The following CAMK2G variants were observed in gnomAD, a reference collection of about 807,000 sequenced individuals.
CAMK2G encodes the protein calcium/calmodulin dependent protein kinase II gamma.
In CAMK2G, 23 loss-of-function variants were observed where a neutral mutation model predicts 88.7. The observed-to-expected ratio is 0.26, with a 90% CI of 0.19 to 0.37. CAMK2G has a LOEUF of 0.37. Ranked by LOEUF, CAMK2G falls within the 10% of genes least tolerant of loss-of-function variation. The pLI is 1.00. For missense variants in CAMK2G, 476 were observed against 780.8 expected (o/e 0.61, Z 4.65); for synonymous variants, 263 against 294.8 (o/e 0.89, Z 1.11).
At position 73,853,366 on chromosome 10, in the gene CAMK2G, G is replaced by A. The variant is rs1055752005; in HGVS notation, c.221-120C>T. 1.2e-5 allele frequency: 10 copies of A among 854,062 alleles called. No homozygotes were observed. In the East Asian group the frequency reaches 1.6e-4, roughly 13 times the overall value. 52.9% of individuals were successfully genotyped at this position (854,062 alleles called of 1,614,324 possible). Reference sequence around the variant, plus strand: ...GGGCTCACAGGGCTCTCCAGAAGGAGCAGTGGGGGGAAGTGGCGACGTGCC... The same window carrying A: ...GGGCTCACAGGGCTCTCCAGAAGGAACAGTGGGGGGAAGTGGCGACGTGCC... On this transcript the variant is annotated intron_variant, in intron 3 of 22. Coordinates refer to ENST00000423381, the MANE Select transcript of CAMK2G (RefSeq NM_001367534.1).
chr10:73,829,164 T>C (rs72814361), intron 14 of CAMK2G, among the ~76,000 whole-genome samples: 17 of 152,162 alleles, frequency 1.1e-4, no homozygotes, highest in Non-Finnish European at 1.5e-4. Flanking sequence ...ATTATTATAA[T>C]CAACGAAAGA....
In CAMK2G at chr10:73,842,299, C is replaced by G. The variant is rs1484455190; in HGVS notation, c.904-88G>C. On this transcript the variant is annotated intron_variant, in intron 11 of 22. Transcript: ENST00000423381. The surrounding 1 kb of genome is among the most constrained non-coding windows in gnomAD (Gnocchi z 4.6). ...GGCAAAGGCAGGTCCTGGCTAGAGC[C>G]TGAAGACATCAGGCCTCTGGGCCCC... The G allele has an allele frequency of 2.4e-6, 3 of 1,250,694 alleles. No homozygotes were observed. The highest frequency in any genetic ancestry group is 3.5e-6 in the Non-Finnish European group (3 of 848,946). 77.5% of individuals were successfully genotyped at this position (1,250,694 alleles called of 1,614,324 possible). A position where few individuals can be genotyped will look rare whatever the true frequency, so the allele number is the denominator to read the frequency against.
At chr10:73,851,490 C>T (rs981283422) in intron 5 of CAMK2G, among the ~76,000 whole-genome samples, 1 of 152,028 alleles carries the variant, frequency 6.6e-6, no homozygotes, top group Non-Finnish European at 1.5e-5. Flanking sequence ...TCCCGGGGCT[C>T]TATGGTTGGA....
intron 2 of CAMK2G, among the ~76,000 whole-genome samples, chr10:73,869,448 G>GT (rs1157984501): frequency 2.0e-5 from 3 of 152,166 alleles, no homozygotes; most frequent in African/African-American, 7.2e-5. Flanking sequence ...TCCAGCAGCC[G>GT]TATCAGGTCT....
chr10:73,863,142 G>A (rs956770244), intron 2 of CAMK2G, among the ~76,000 whole-genome samples: 1 of 152,204 alleles, frequency 6.6e-6, no homozygotes. Context: ...GCTCTACTTT[G>A]TGGAAGGAGG....
At chr10:73,844,617 C>T (rs1299473602) in intron 10 of CAMK2G, among the ~76,000 whole-genome samples, 1 of 151,722 alleles carries the variant, frequency 6.6e-6, no homozygotes, top group Non-Finnish European at 1.5e-5. Context: ...CTATGTTGGC[C>T]AGGCTGGTCT....
chr10:73,862,634 C>T (rs756106170), intron 2 of CAMK2G, among the ~76,000 whole-genome samples: 12 of 152,142 alleles, frequency 7.9e-5, no homozygotes, highest in African/African-American at 1.9e-4. Context: ...TAAGGTAACA[C>T]GAACAGGCAG....
intron 15 of CAMK2G, among the ~76,000 whole-genome samples, chr10:73,827,573 C>G (rs922704597): frequency 1.1e-4 from 16 of 152,162 alleles, no homozygotes; most frequent in African/African-American, 3.9e-4. Flanking sequence ...AGTTAGCTGT[C>G]CCCCGAGGGC....
intron 20 of CAMK2G, 124 bp downstream of exon 20, chr10:73,817,355 G>A: frequency 3.6e-6 from 3 of 830,968 alleles, no homozygotes; most frequent in Non-Finnish European, 5.9e-6. Flanking sequence ...TTAGGAGAGG[G>A]CTTAACTCAG....
chr10:73,816,808 G>A (rs759642345), intron 21 of CAMK2G: 9 of 1,523,990 alleles, frequency 5.9e-6, no homozygotes, highest in Non-Finnish European at 7.0e-6. Context: ...CAAAGCAGCT[G>A]CAGAATGAAT....
chr10:73,816,918 C>G (rs769643254), intron 21 of CAMK2G, 105 bp downstream of exon 21: 7 of 1,611,236 alleles, frequency 4.3e-6, no homozygotes, highest in Non-Finnish European at 5.1e-6. Context: ...GCACGAAGGT[C>G]AAATAAGGGA....
intron 14 of CAMK2G, chr10:73,836,943 T>C (rs2093306165): frequency 6.2e-6 from 1 of 160,242 alleles, no homozygotes; most frequent in South Asian, 1.7e-4. Context: ...CTTTGCCTTT[T>C]TCTGAGGAGC....
chr10:73,835,873 C>T (rs1293278760), intron 14 of CAMK2G, among the ~76,000 whole-genome samples: 1 of 152,034 alleles, frequency 6.6e-6, no homozygotes, highest in Admixed American at 6.6e-5. Flanking sequence ...CTTGCTCTGT[C>T]GCCCAGGCTG....
At chr10:73,823,301 C>T (rs1233275771) in intron 17 of CAMK2G, among the ~76,000 whole-genome samples, 1 of 152,250 alleles carries the variant, frequency 6.6e-6, no homozygotes, top group East Asian at 1.9e-4. Context: ...CTGCAACCTC[C>T]ACCTCCCAGG....
chr10:73,856,247 C>T (rs1435160125), intron 3 of CAMK2G, among the ~76,000 whole-genome samples: 1 of 152,150 alleles, frequency 6.6e-6, no homozygotes, highest in East Asian at 1.9e-4. Flanking sequence ...AACTGAGGCT[C>T]CATAAGAAAC....
intron 5 of CAMK2G, among the ~76,000 whole-genome samples, chr10:73,850,765 C>T (rs2094557282): frequency 6.6e-6 from 1 of 152,176 alleles, no homozygotes; most frequent in African/African-American, 2.4e-5. Flanking sequence ...AGGGGTCGTA[C>T]TGGGTCCCTG....
At chr10:73,847,723 C>T (rs2094348048) in intron 9 of CAMK2G, among the ~76,000 whole-genome samples, 1 of 152,192 alleles carries the variant, frequency 6.6e-6, no homozygotes, top group South Asian at 2.1e-4. Context: ...ACCAATGAGG[C>T]CGCTCCATTC....
intron 1 of CAMK2G, among the ~76,000 whole-genome samples, chr10:73,873,930 G>A (rs2095964310): frequency 7.2e-6 from 1 of 139,086 alleles, no homozygotes; most frequent in African/African-American, 2.7e-5. Flanking sequence ...GGAGCCTGGA[G>A]CGGCACCCGC....
intron 2 of CAMK2G, among the ~76,000 whole-genome samples, chr10:73,869,364 G>A (rs1219927329): frequency 6.6e-6 from 1 of 152,228 alleles, no homozygotes; most frequent in African/African-American, 2.4e-5. Context: ...GGAATCATCA[G>A]CTAAATGTCT....
Sources: allele counts gnomAD v4.1 joint callset (sites outside exome capture counted in the v4.1 genomes callset), GRCh38; gene constraint gnomAD v4.1.1; non-coding constraint Gnocchi (gnomAD v3.1); transcripts MANE v1.5; gene names NCBI Gene and HGNC (gene_info 2026-07-23, HGNC 2026-07-21).